IL1RAPL1: variants seen among roughly 807,000 people sequenced by gnomAD.
IL1RAPL1 encodes interleukin-1 receptor accessory protein-like 1.
A neutral mutation model predicts 48.4 loss-of-function variants in IL1RAPL1; 3 were observed. The ratio of observed to expected loss-of-function variants is 0.06; its 90% CI spans 0.03 to 0.16. The LOEUF is 0.16. IL1RAPL1 is among the 10% of genes least tolerant of loss of function. The pLI is 1.00. For synonymous variants in IL1RAPL1, 185 were observed against 187.7 expected (o/e 0.99, Z 0.12); for missense variants, 349 against 530.6 (o/e 0.66, Z 3.36).
chrX:28,982,330 G>A (rs966983651), intron 2 of IL1RAPL1, among the ~76,000 whole-genome samples: 2 of 112,049 alleles, frequency 1.8e-5, no homozygotes, highest in African/African-American at 6.5e-5. Flanking sequence ...CCACCAATGG[G>A]CACTAGAATC....
chrX:29,425,619 G>T (rs1047661691), intron 5 of IL1RAPL1, among the ~76,000 whole-genome samples: 1 of 110,963 alleles, frequency 9.0e-6, no homozygotes, highest in African/African-American at 3.3e-5. Flanking sequence ...TGGTTCTGTC[G>T]CCCAGGCTGG....
intron 5 of IL1RAPL1, among the ~76,000 whole-genome samples, chrX:29,467,383 G>T (rs1024671418): frequency 5.3e-5 from 6 of 112,582 alleles, no homozygotes; most frequent in Non-Finnish European, 1.1e-4. Flanking sequence ...CTAATGGGAA[G>T]AAAAATGGTT....
chrX:29,227,791 A>G (rs1195057991), intron 2 of IL1RAPL1, among the ~76,000 whole-genome samples: 2 of 111,238 alleles, frequency 1.8e-5, no homozygotes, highest in East Asian at 5.6e-4. Context: ...ATTTCCTATA[A>G]TAATAGCTAA....
intron 1 of IL1RAPL1, among the ~76,000 whole-genome samples, chrX:28,705,819 T>C (rs1320892391): frequency 5.3e-5 from 6 of 112,259 alleles, no homozygotes; most frequent in African/African-American, 1.9e-4. Context: ...TATGGCATGC[T>C]GTATATCAGA....
intron 1 of IL1RAPL1, among the ~76,000 whole-genome samples, chrX:28,603,009 A>G (rs1326534748): frequency 9.0e-6 from 1 of 111,692 alleles, no homozygotes; most frequent in Non-Finnish European, 1.9e-5. Context: ...GAAATGTGCA[A>G]TTTGTATACA....
intron 2 of IL1RAPL1, among the ~76,000 whole-genome samples, chrX:29,043,638 A>G (rs1237382097): frequency 3.6e-5 from 4 of 110,953 alleles, no homozygotes; most frequent in African/African-American, 1.3e-4. Context: ...GTTCTCCTTT[A>G]TTTCATGAAC....
At chrX:29,925,868 C>CA (rs1932886212) in intron 8 of IL1RAPL1, among the ~76,000 whole-genome samples, 1 of 112,307 alleles carries the variant, frequency 8.9e-6, no homozygotes. Flanking sequence ...ACGGATATTC[C>CA]AACAAGGCTA....
intron 5 of IL1RAPL1, among the ~76,000 whole-genome samples, chrX:29,412,699 T>C (rs1481921467): frequency 8.9e-6 from 1 of 111,751 alleles, no homozygotes; most frequent in Admixed American, 9.6e-5. Context: ...CCTGGAGAAG[T>C]GTAAGGGAAA....
intron 8 of IL1RAPL1, among the ~76,000 whole-genome samples, chrX:29,939,740 A>G (rs1286495473): frequency 1.8e-5 from 2 of 112,114 alleles, no homozygotes; most frequent in Non-Finnish European, 3.8e-5. Flanking sequence ...ATTTTCTTCA[A>G]TTTCCCATTT....
chrX:28,737,173 C>A (rs189607333), intron 1 of IL1RAPL1, among the ~76,000 whole-genome samples: 1 of 74,637 alleles, frequency 1.3e-5, no homozygotes, highest in African/African-American at 5.5e-5. Flanking sequence ...TTCCTTCCTT[C>A]CTTCCTTTCT....
intron 1 of IL1RAPL1, among the ~76,000 whole-genome samples, chrX:28,670,251 G>A (rs1249510042): frequency 2.7e-5 from 3 of 111,609 alleles, no homozygotes; most frequent in Non-Finnish European, 5.6e-5. Flanking sequence ...GTGCTTTGGA[G>A]GGGATCAATA....
chrX:28,872,471 A>AT (rs763278120), intron 2 of IL1RAPL1, among the ~76,000 whole-genome samples: 115 of 112,408 alleles, frequency 1.0e-3, no homozygotes, highest in Non-Finnish European at 1.7e-3. Flanking sequence ...CATAATACAT[A>AT]TTTTTTAAAT....
At chrX:29,553,541 C>T (rs1382080880) in intron 5 of IL1RAPL1, among the ~76,000 whole-genome samples, 2 of 111,642 alleles carry the variant, frequency 1.8e-5, no homozygotes, top group African/African-American at 3.3e-5. Context: ...CACTCATAAA[C>T]GTTTCTTAGC....
chrX:29,651,437 CA>C (rs376172812), intron 5 of IL1RAPL1, among the ~76,000 whole-genome samples: 8 of 106,184 alleles, frequency 7.5e-5, no homozygotes, highest in Non-Finnish European at 1.4e-4. Flanking sequence ...ACTGTTTAGC[CA>C]AAAAAAAATA....
At chrX:29,881,403 G>A (rs1157477208) in intron 6 of IL1RAPL1, among the ~76,000 whole-genome samples, 1 of 111,105 alleles carries the variant, frequency 9.0e-6, no homozygotes, top group Non-Finnish European at 1.9e-5. Context: ...GATATGGGAT[G>A]GGCTTTTAGA....
chrX:29,057,868 A>T (rs1927255468), intron 2 of IL1RAPL1, among the ~76,000 whole-genome samples: 1 of 112,003 alleles, frequency 8.9e-6, no homozygotes, highest in Non-Finnish European at 1.9e-5. Flanking sequence ...TAGAAGTCAA[A>T]TATTTAAAAT....
chrX:29,635,168 G>GTGA lies in IL1RAPL1; in HGVS notation c.704-33259_704-33257dup, dbSNP rs199886444. Among the ~76,000 whole-genome samples the GTGA allele has an allele frequency of 4.1e-3, 459 of 111,519 alleles. 1 individual carries two copies. The highest frequency in any genetic ancestry group is 0.014 in the African/African-American group (436 of 30,720). On this transcript the variant is annotated intron_variant, in intron 5 of 10. Transcript: ENST00000378993. ...AGAGAAGGGGGAAATTATCAAATAA[G>GTGA]TGATGCAAGAAAAATTTATTTAATT...
chrX:29,770,688 T>C (rs1929043934), intron 6 of IL1RAPL1, among the ~76,000 whole-genome samples: 1 of 112,460 alleles, frequency 8.9e-6, no homozygotes, highest in Non-Finnish European at 1.9e-5. Flanking sequence ...GCTGCCATTC[T>C]GTGCTGCTAA....
At chrX:28,903,522 C>T (rs962902406) in intron 2 of IL1RAPL1, among the ~76,000 whole-genome samples, 1 of 109,584 alleles carries the variant, frequency 9.1e-6, no homozygotes, top group South Asian at 3.9e-4. Context: ...ACATCTACCA[C>T]ATGTCCACAC....
Sources: allele counts gnomAD v4.1 joint callset (sites outside exome capture counted in the v4.1 genomes callset), GRCh38; gene constraint gnomAD v4.1.1; transcripts MANE v1.5; gene names NCBI Gene and HGNC (gene_info 2026-07-23, HGNC 2026-07-21).